The following NECAB1 variants were observed in gnomAD, a reference collection of about 807,000 sequenced individuals.
NECAB1 encodes N-terminal EF-hand calcium binding protein 1.
A neutral mutation model predicts 57.5 loss-of-function variants in NECAB1; 29 were observed. The ratio of observed to expected loss-of-function variants is 0.50; its 90% CI spans 0.38 to 0.69. The LOEUF (loss-of-function observed/expected upper bound fraction) is 0.69. Among genes scored for constraint, NECAB1 ranks in the 30% least tolerant of loss-of-function variants. The probability of loss-of-function intolerance (pLI) is 0.00; values close to 1 mark genes in which losing one functional copy is unlikely to be tolerated. For synonymous variants in NECAB1, 142 were observed against 147.7 expected (o/e 0.96, Z 0.28); for missense variants, 372 against 413.8 (o/e 0.90, Z 0.88).
rs1370464529 is a variant in NECAB1, at chr8:90,958,834, T to C, written c.*3322T>C. ...AGGAAACCTCCTGCAAAGCTGAAAC[T>C]GATTAGAAAATTCTTTATATTTTAA... On this transcript the variant is annotated 3_prime_UTR_variant, in exon 13 of 13. Coordinates refer to ENST00000417640, the MANE Select transcript of NECAB1 (RefSeq NM_022351.5). The C allele has an allele frequency of 4.2e-6, 2 of 478,680 alleles. No homozygotes were observed. The highest frequency in any genetic ancestry group is 4.4e-5 in the Admixed American group (1 of 22,566). 29.7% of individuals were successfully genotyped at this position (478,680 alleles called of 1,614,324 possible). A position where few individuals can be genotyped will look rare whatever the true frequency, so the allele number is the denominator to read the frequency against.
chr8:90,881,237 A>T (rs1808829775), intron 5 of NECAB1, 107 bp downstream of exon 5: 1 of 744,254 alleles, frequency 1.3e-6, no homozygotes. Flanking sequence ...TATCACTGAT[A>T]GTTTATTTTT....
At chr8:90,866,566 T>C (rs1475282051) in intron 3 of NECAB1, among the ~76,000 whole-genome samples, 2 of 152,170 alleles carry the variant, frequency 1.3e-5, no homozygotes, top group Non-Finnish European at 2.9e-5. Flanking sequence ...AGGTTCACAG[T>C]GTATGGAAAT....
chr8:90,953,609 C>G (rs773876251), intron 12 of NECAB1, among the ~76,000 whole-genome samples: 61 of 152,262 alleles, frequency 4.0e-4, no homozygotes, highest in Non-Finnish European at 3.8e-4. Flanking sequence ...ATTGGGACAT[C>G]CCACCTTATT....
At chr8:90,872,361 C>A in intron 4 of NECAB1, 1 of 449,572 alleles carries the variant, frequency 2.2e-6, no homozygotes, top group Non-Finnish European at 4.0e-6. Context: ...CTCATTAGTT[C>A]GTTCATAGAA....
At chr8:90,826,057 G>A (rs1233868109) in intron 3 of NECAB1, among the ~76,000 whole-genome samples, 1 of 151,774 alleles carries the variant, frequency 6.6e-6, no homozygotes, top group East Asian at 1.9e-4. Context: ...TTTAGGCTCG[G>A]GGAATATTTA....
intron 2 of NECAB1, 83 bp from the exon 3 acceptor site, chr8:90,824,634 G>T: frequency 2.4e-6 from 2 of 835,582 alleles, no homozygotes; most frequent in Non-Finnish European, 1.9e-6. Flanking sequence ...ATGAACAAGC[G>T]TTTGGGTGAA....
intron 2 of NECAB1, among the ~76,000 whole-genome samples, chr8:90,815,814 G>A (rs1812052973): frequency 6.6e-6 from 1 of 151,898 alleles, no homozygotes; most frequent in Non-Finnish European, 1.5e-5. Flanking sequence ...AGCTACTTCA[G>A]TAGAGACATG....
At chr8:90,881,340 C>T (rs1441327523) in intron 5 of NECAB1, among the ~76,000 whole-genome samples, 1 of 152,110 alleles carries the variant, frequency 6.6e-6, no homozygotes, top group Non-Finnish European at 1.5e-5. Flanking sequence ...TACAAAGATA[C>T]AAAGAGCTGT....
rs1554574051 is a variant in NECAB1 at position 90,906,883 on chromosome 8, A to ATATATGTATATATATATATATATGTATG, written c.358-10604_358-10603insGTATATATATATATATATGTATGTATAT. ...CCTTACATATGATATACACATATATATATATATATATATATATATATATAT... is the reference window on the plus strand; with the variant it reads ...CCTTACATATGATATACACATATATATATATGTATATATATATATATATGTATGTATATATATATATATATATATATAT... On this transcript the variant is annotated intron_variant, in intron 5 of 12. Coordinates refer to ENST00000417640, the MANE Select transcript of NECAB1 (RefSeq NM_022351.5). Among the ~76,000 whole-genome samples the ATATATGTATATATATATATATATGTATG allele has an allele frequency of 1.8e-3, 144 of 80,762 alleles. 3 individuals are homozygous for ATATATGTATATATATATATATATGTATG. The highest frequency in any genetic ancestry group is 6.5e-3 in the African/African-American group (137 of 21,026). The allele number at this position is 80,762 out of a possible 152,430, so 53.0% of individuals were successfully genotyped here. A position where few individuals can be genotyped will look rare whatever the true frequency, so the allele number is the denominator to read the frequency against.
intron 3 of NECAB1, among the ~76,000 whole-genome samples, chr8:90,864,279 A>G (rs561212417): frequency 1.3e-5 from 2 of 148,444 alleles, no homozygotes; most frequent in East Asian, 4.0e-4. Context: ...CTCTGGTGGA[A>G]AAAAAAAACG....
chr8:90,818,126 A>G (rs1162353187), intron 2 of NECAB1, among the ~76,000 whole-genome samples: 1 of 151,926 alleles, frequency 6.6e-6, no homozygotes, highest in Non-Finnish European at 1.5e-5. Flanking sequence ...TTGTGGGAAC[A>G]ACAATGATTA....
intron 5 of NECAB1, among the ~76,000 whole-genome samples, chr8:90,890,158 G>T (rs887764802): frequency 6.6e-6 from 1 of 152,138 alleles, no homozygotes; most frequent in Non-Finnish European, 1.5e-5. Context: ...ACTTTGAATT[G>T]TAATCCCTAC....
At chr8:90,902,980 TTGA>T (rs1809544337) in intron 5 of NECAB1, among the ~76,000 whole-genome samples, 1 of 152,022 alleles carries the variant, frequency 6.6e-6, no homozygotes, top group Non-Finnish European at 1.5e-5. Context: ...CAATATGAGA[TTGA>T]TGAATAAATT....
intron 4 of NECAB1, among the ~76,000 whole-genome samples, chr8:90,874,127 T>C (rs182038299): frequency 1.1e-3 from 174 of 152,330 alleles, no homozygotes; most frequent in South Asian, 2.1e-3. Context: ...ATAAAGTAAA[T>C]ATTTAAGTTG....
At position 90,940,897 on chromosome 8, in the gene NECAB1, C is replaced by A. The variant is rs754282757; in HGVS notation, c.859C>A (p.Arg287Ser). Reference protein sequence around the residue: ...ESASSQSGCLRISIQKLSNES... With the variant: ...ESASSQSGCLSISIQKLSNES... ...TGCTTCCTCCCAAAGTGGATGCTTG[C>A]GGTAAGTGCTCCGACTCCTGCACCT... The change falls in exon 10 of 13, where the codon CGT becomes AGT. Residue 287 changes from arginine (R) to serine (S), a missense_variant and splice_region_variant. Arg to Ser is a moderately radical substitution (Grantham distance 110). Coordinates refer to ENST00000417640, the MANE Select transcript of NECAB1 (RefSeq NM_022351.5). 6.4e-6 allele frequency: 10 copies of A among 1,555,502 alleles called. No individual in the cohort carries two copies. In the Admixed American group the frequency reaches 1.9e-4, roughly 30 times the overall value.
chr8:90,847,929 A>G (rs1812599958), intron 3 of NECAB1, among the ~76,000 whole-genome samples: 1 of 152,178 alleles, frequency 6.6e-6, no homozygotes, highest in South Asian at 2.1e-4. Context: ...AAATTCTCTG[A>G]CATGCCCTGG....
At chr8:90,874,707 C>G (rs1586075533) in intron 4 of NECAB1, among the ~76,000 whole-genome samples, 1 of 152,082 alleles carries the variant, frequency 6.6e-6, no homozygotes, top group East Asian at 1.9e-4. Flanking sequence ...CAATCAAGTT[C>G]CTTTTAATGG....
intron 10 of NECAB1, among the ~76,000 whole-genome samples, chr8:90,944,727 T>C (rs189322882): frequency 6.6e-6 from 1 of 152,248 alleles, no homozygotes; most frequent in East Asian, 1.9e-4. Flanking sequence ...AGTCGTTAAA[T>C]AGAACAAAAT....
Position 90,956,010 on chromosome 8 carries a change from C to T in NECAB1, c.*498C>T, listed in dbSNP as rs1046051110. ...CTCCATCCCCAACCCAACTCACAGC[C>T]CTATGACTACTATCTTTGCATTAGT... On this transcript the variant is annotated 3_prime_UTR_variant, in exon 13 of 13. Coordinates refer to ENST00000417640, the MANE Select transcript of NECAB1 (RefSeq NM_022351.5). The T allele has an allele frequency of 2.6e-5, 4 of 152,240 alleles. No individual in the cohort carries two copies. Among genetic ancestry groups the T allele is most frequent in the African/African-American group, 7.2e-5 (3 of 41,406 alleles). The allele number at this position is 152,240 out of a possible 1,614,324, so 9.4% of individuals were successfully genotyped here.
Sources: allele counts gnomAD v4.1 joint callset (sites outside exome capture counted in the v4.1 genomes callset), GRCh38; gene constraint gnomAD v4.1.1; transcripts MANE v1.5; gene names NCBI Gene and HGNC (gene_info 2026-07-23, HGNC 2026-07-21).